DPP6: variants seen among roughly 807,000 people sequenced by gnomAD.
The protein encoded by DPP6 is A-type potassium channel modulatory protein DPP6.
DPP6 carries 69 observed loss-of-function variants against 122.6 expected under a neutral mutation model. The observed-to-expected ratio is 0.56, with a 90% CI of 0.46 to 0.69. The LOEUF (loss-of-function observed/expected upper bound fraction) is 0.69, where lower values mean the gene tolerates loss of function less well. Ranked by LOEUF, DPP6 falls within the 30% of genes least tolerant of loss-of-function variation. The pLI is 0.00. For missense variants in DPP6, 928 were observed against 1,116.9 expected, an observed-to-expected ratio of 0.83 and a Z score of 2.41; for synonymous variants, 418 against 433.1, an observed-to-expected ratio of 0.97 and a Z score of 0.43.
chr7:153,759,897 CTCTCTCTCTCTGTTTCTG>C, the DPP6 span, among the ~76,000 whole-genome samples: 4,100 of 139,582 alleles, frequency 0.029, no homozygotes, highest in African/African-American at 0.12. Flanking sequence ...GCTTCCACTT[CTCTCTCTCTCTGTTTCTG>C]TCTCTCTCTC....
intron 4 of DPP6, among the ~76,000 whole-genome samples, chr7:154,549,566 G>T (rs1829475423): frequency 6.6e-6 from 1 of 152,160 alleles, no homozygotes; most frequent in Non-Finnish European, 1.5e-5. Context: ...TGCCAAATGT[G>T]ACCTGTAGGG....
At chr7:153,933,008 C>T (rs768652865) in intron 1 of DPP6, among the ~76,000 whole-genome samples, 2 of 152,194 alleles carry the variant, frequency 1.3e-5, no homozygotes, top group East Asian at 1.9e-4. Context: ...CCCCTGCACA[C>T]GCTCTCTTGC....
chr7:154,209,079 G>T (rs1274490907), intron 1 of DPP6, among the ~76,000 whole-genome samples: 2 of 152,174 alleles, frequency 1.3e-5, no homozygotes, highest in African/African-American at 4.8e-5. Context: ...TTAAAGAAAT[G>T]TGTTGTATTT....
chr7:153,908,603 TATTA>T (rs1799947024), intron 1 of DPP6, among the ~76,000 whole-genome samples: 2 of 152,342 alleles, frequency 1.3e-5, no homozygotes, highest in South Asian at 4.1e-4. Flanking sequence ...TATTTTTCTG[TATTA>T]ATTCAATGTA....
intron 10 of DPP6, among the ~76,000 whole-genome samples, chr7:154,778,367 C>CCTCCAGG (rs1170134936): frequency 1.3e-5 from 2 of 152,078 alleles, no homozygotes; most frequent in Non-Finnish European, 2.9e-5. Flanking sequence ...GCCTTCTCTG[C>CCTCCAGG]CTCCAGGCTT....
chr7:154,828,328 T>A (rs1800351708), intron 16 of DPP6, among the ~76,000 whole-genome samples: 1 of 150,318 alleles, frequency 6.7e-6, no homozygotes, highest in Non-Finnish European at 1.5e-5. Flanking sequence ...CTTTTTTTTT[T>A]AATTAGATAA....
chr7:154,806,445 G>A (rs1306877879), intron 15 of DPP6, among the ~76,000 whole-genome samples: 9 of 152,122 alleles, frequency 5.9e-5, no homozygotes, highest in Admixed American at 2.0e-4. Flanking sequence ...GTGTAGCTCC[G>A]TTGAGTGGGA....
chr7:154,438,113 G>A (rs1478498286), intron 1 of DPP6, among the ~76,000 whole-genome samples: 1 of 151,958 alleles, frequency 6.6e-6, no homozygotes, highest in Non-Finnish European at 1.5e-5. Context: ...CTGTACATTC[G>A]GCTTTTGTTT....
At chr7:153,950,621 C>T (rs1802165597) in intron 1 of DPP6, among the ~76,000 whole-genome samples, 1 of 152,092 alleles carries the variant, frequency 6.6e-6, no homozygotes, top group Non-Finnish European at 1.5e-5. Flanking sequence ...GATTGGCAGC[C>T]CCTTAGGCGG....
chr7:154,688,922 C>T (rs1839782913), intron 7 of DPP6, among the ~76,000 whole-genome samples: 1 of 152,190 alleles, frequency 6.6e-6, no homozygotes, highest in South Asian at 2.1e-4. Flanking sequence ...TAGAATTGCA[C>T]TTGACATTTT....
chr7:154,166,296 GGGGA>G (rs903340421), intron 1 of DPP6, among the ~76,000 whole-genome samples: 2 of 152,266 alleles, frequency 1.3e-5, no homozygotes, highest in African/African-American at 4.8e-5. Context: ...TGACGTTCTT[GGGGA>G]GGGAGGGCTG....
At chr7:154,128,424 C>T (rs190147344) in intron 1 of DPP6, among the ~76,000 whole-genome samples, 27 of 152,288 alleles carry the variant, frequency 1.8e-4, no homozygotes, top group South Asian at 1.2e-3. Context: ...TTTTTTGAGA[C>T]GGAGTCTCGC....
intron 18 of DPP6, 86 bp from the exon 19 acceptor site, chr7:154,872,538 T>C: frequency 1.3e-6 from 2 of 1,517,456 alleles, no homozygotes; most frequent in Admixed American, 2.0e-5. Context: ...CAGAGCACCC[T>C]CACCCCCACG....
chr7:154,330,903 T>C (rs1808871345), intron 1 of DPP6, among the ~76,000 whole-genome samples: 1 of 152,210 alleles, frequency 6.6e-6, no homozygotes, highest in South Asian at 2.1e-4. Context: ...TTCTCAGATC[T>C]GGGCTTAGTC....
In DPP6 at chr7:154,241,202, T is replaced by C. The variant is rs1210151947; in HGVS notation, c.243+188139T>C. Among the ~76,000 whole-genome samples, 3 of 149,134 alleles carry C rather than the reference T, an allele frequency of 2.0e-5. No individual in the cohort carries two copies. Among genetic ancestry groups the C allele is most frequent in the Admixed American group, 6.6e-5 (1 of 15,096 alleles). ...ATATCAATATGTGTGTGTGTGTGTG[T>C]GTGTGTGTGTGTGTGTGTATATATA... On this transcript the variant is annotated intron_variant, in intron 1 of 25. Coordinates refer to ENST00000377770, the MANE Select transcript of DPP6 (RefSeq NM_130797.4). The surrounding 1 kb of genome is among the most constrained non-coding windows in gnomAD (Gnocchi z 9.0).
At chr7:153,800,638 TC>T in the DPP6 span, among the ~76,000 whole-genome samples, 754 of 152,216 alleles carry the variant, frequency 5.0e-3, 2 homozygotes, top group Non-Finnish European at 8.5e-3. Context: ...TGCCTCAGCC[TC>T]CCAACTAGCT....
intron 16 of DPP6, among the ~76,000 whole-genome samples, chr7:154,811,335 C>T (rs76883007): frequency 0.01 from 1,539 of 152,306 alleles, 20 homozygotes; most frequent in African/African-American, 0.032. Context: ...AGCTGAGCCT[C>T]GTCCTGCCAT....
chr7:154,063,659 C>T (rs1176561990), intron 1 of DPP6, among the ~76,000 whole-genome samples: 16 of 138,970 alleles, frequency 1.2e-4, no homozygotes, highest in Non-Finnish European at 6.2e-5. Context: ...CCCCCTCTGG[C>T]GCTTAGGACC....
the DPP6 span, among the ~76,000 whole-genome samples, chr7:153,813,453 C>G: frequency 6.6e-6 from 1 of 152,046 alleles, no homozygotes; most frequent in Non-Finnish European, 1.5e-5. Context: ...GGTTCCAAGT[C>G]TTTGCTATTG....
Sources: allele counts gnomAD v4.1 joint callset (sites outside exome capture counted in the v4.1 genomes callset), GRCh38; gene constraint gnomAD v4.1.1; non-coding constraint Gnocchi (gnomAD v3.1); transcripts MANE v1.5; gene names NCBI Gene and HGNC (gene_info 2026-07-23, HGNC 2026-07-21).